The following HECW1 variants were observed in gnomAD, a reference collection of about 807,000 sequenced individuals.
HECW1 encodes the protein HECT, C2 and WW domain containing E3 ubiquitin protein ligase 1.
A neutral mutation model predicts 182.3 loss-of-function variants in HECW1; 61 were observed. The observed-to-expected ratio is 0.33, with a 90% CI of 0.27 to 0.41. The LOEUF is 0.41. Among genes scored for constraint, HECW1 ranks in the 10% least tolerant of loss-of-function variants. HECW1 has a pLI of 1.00. For missense variants in HECW1, 1,739 were observed against 2,108.9 expected (o/e 0.82, Z 3.44); for synonymous variants, 859 against 832.6 (o/e 1.03, Z -0.55).
At chr7:43,361,240 T>C (rs1815868077) in intron 6 of HECW1, among the ~76,000 whole-genome samples, 1 of 152,216 alleles carries the variant, frequency 6.6e-6, no homozygotes, top group Admixed American at 6.5e-5. Context: ...CCAAGCTTCT[T>C]TATTTTCCTT....
In HECW1 at chr7:43,391,906, T is replaced by C. The variant is rs561115208; in HGVS notation, c.556-4908T>C. ...TGCTTTTTAGTTTTGTTTCTTGCTC[T>C]TTTAAGGTGGCTTTGAGGCCTATCT... On this transcript the variant is annotated intron_variant, in intron 6 of 29. Transcript: ENST00000395891. Among the ~76,000 whole-genome samples the C allele has an allele frequency of 3.9e-5, 6 of 152,282 alleles. No individual in the cohort carries two copies. In the South Asian group the frequency reaches 1.2e-3, roughly 32 times the overall value.
At chr7:43,338,238 T>G (rs1160093575) in intron 5 of HECW1, among the ~76,000 whole-genome samples, 1 of 152,206 alleles carries the variant, frequency 6.6e-6, no homozygotes, top group Non-Finnish European at 1.5e-5. Context: ...ATGCTTGGGA[T>G]AGGCTTAGAA....
intron 3 of HECW1, among the ~76,000 whole-genome samples, chr7:43,288,195 T>A (rs1010295550): frequency 6.6e-6 from 1 of 152,152 alleles, no homozygotes; most frequent in African/African-American, 2.4e-5. Context: ...AGGACTGAAC[T>A]TTCTCAATGA....
intron 5 of HECW1, among the ~76,000 whole-genome samples, chr7:43,360,089 C>T (rs1377580145): frequency 6.6e-6 from 1 of 152,108 alleles, no homozygotes; most frequent in Non-Finnish European, 1.5e-5. Context: ...TTATGAAGTC[C>T]TATTTTAACA....
intron 2 of HECW1, among the ~76,000 whole-genome samples, chr7:43,173,295 G>A (rs1791872391): frequency 6.6e-6 from 1 of 152,142 alleles, no homozygotes; most frequent in Non-Finnish European, 1.5e-5. Flanking sequence ...TTGCTATCTG[G>A]TTTCTGGAAA....
At chr7:43,458,608 A>G (rs1011208239) in intron 13 of HECW1, among the ~76,000 whole-genome samples, 19 of 152,222 alleles carry the variant, frequency 1.2e-4, no homozygotes, top group African/African-American at 4.6e-4. Flanking sequence ...TCTTGTGAAA[A>G]AGCATACCTA....
chr7:43,436,583 G>A (rs368966573), intron 8 of HECW1, among the ~76,000 whole-genome samples: 6 of 152,122 alleles, frequency 3.9e-5, no homozygotes, highest in African/African-American at 1.4e-4. Flanking sequence ...GGTGCTCAGT[G>A]GGGGAGCTTC....
chr7:43,171,933 A>G (rs1271292072), intron 2 of HECW1, among the ~76,000 whole-genome samples: 1 of 152,126 alleles, frequency 6.6e-6, no homozygotes, highest in Non-Finnish European at 1.5e-5. Context: ...TCAAGCAGAT[A>G]AAAGATTTTT....
chr7:43,556,425 G>A (rs1227914911), intron 29 of HECW1, among the ~76,000 whole-genome samples: 4 of 152,224 alleles, frequency 2.6e-5, no homozygotes, highest in African/African-American at 7.2e-5. Flanking sequence ...AGTGGCTCAC[G>A]CCTGTAATCC....
intron 8 of HECW1, among the ~76,000 whole-genome samples, chr7:43,417,315 G>A (rs2076044234): frequency 6.6e-6 from 1 of 152,114 alleles, no homozygotes; most frequent in South Asian, 2.1e-4. Flanking sequence ...TTCCCAAAGT[G>A]CTGAGATTAC....
intron 2 of HECW1, among the ~76,000 whole-genome samples, chr7:43,178,809 G>T (rs1033193638): frequency 6.6e-6 from 1 of 152,308 alleles, no homozygotes; most frequent in South Asian, 2.1e-4. Flanking sequence ...CTCAACTCCA[G>T]CCCACTTGGA....
rs761726817 is a variant in HECW1 at position 43,488,432 on chromosome 7, AAGAG to A, written c.3235-3641_3235-3638del. 4.2e-3 allele frequency among the ~76,000 whole-genome samples: 172 copies of A among 41,082 alleles called. 10 individuals are homozygous for A. In the East Asian group the frequency reaches 0.052, roughly 12 times the overall value. 27.0% of individuals were successfully genotyped at this position (41,082 alleles called of 152,430 possible). A position where few individuals can be genotyped will look rare whatever the true frequency, so the allele number is the denominator to read the frequency against. ...AGAAAGAGAGAGAGAGAAAGAAAGA[AAGAG>A]AAAGAAAGAAAGAAAGAAAGAAAGA... is the stretch of plus-strand genomic sequence containing the variant. On this transcript the variant is annotated intron_variant, in intron 17 of 29. Transcript: ENST00000395891.
intron 2 of HECW1, among the ~76,000 whole-genome samples, chr7:43,189,148 A>C (rs931443188): frequency 1.7e-4 from 26 of 152,224 alleles, no homozygotes; most frequent in Non-Finnish European, 3.5e-4. Context: ...GACATAATTT[A>C]GTTAAATAGT....
Position 43,552,230 on chromosome 7 carries a change from C to T in HECW1, c.4404C>T (p.Asp1468=), listed in dbSNP as rs775519252. 1.6e-5 allele frequency: 25 copies of T among 1,611,692 alleles called. No individual in the cohort carries two copies. Among genetic ancestry groups the T allele is most frequent in the Non-Finnish European group, 2.0e-5 (24 of 1,177,794 alleles). ...CCTAACCTGCATTTCAGGTTGTAGA[C>T]TCGAGGCTGGTGTCCGTGTTTGATG... The part of the protein sequence containing the change: ...ALVRGFYEVV[D]SRLVSVFDAR... Residue 1468 remains aspartate (D), a synonymous_variant, in exon 28 of 30, where the codon GAC becomes GAT. Coordinates refer to ENST00000395891, the MANE Select transcript of HECW1 (RefSeq NM_015052.5).
At chr7:43,235,307 G>A (rs1219165090) in intron 2 of HECW1, among the ~76,000 whole-genome samples, 1 of 152,202 alleles carries the variant, frequency 6.6e-6, no homozygotes, top group Non-Finnish European at 1.5e-5. Context: ...CTCCTTGATG[G>A]GGGACCTCTG....
chr7:43,334,485 C>A (rs1017399047), intron 5 of HECW1, among the ~76,000 whole-genome samples: 1 of 152,170 alleles, frequency 6.6e-6, no homozygotes, highest in East Asian at 1.9e-4. Flanking sequence ...CGCCAACACC[C>A]ACAAAATTTA....
chr7:43,433,602 T>C (rs150681275), intron 8 of HECW1, among the ~76,000 whole-genome samples: 183 of 152,360 alleles, frequency 1.2e-3, no homozygotes, highest in Admixed American at 1.9e-3. Flanking sequence ...TTCTTGCTCA[T>C]AGTGGCCCCA....
intron 2 of HECW1, among the ~76,000 whole-genome samples, chr7:43,156,900 A>G (rs936068598): frequency 3.0e-4 from 46 of 152,230 alleles, no homozygotes; most frequent in African/African-American, 1.1e-3. Context: ...GTTTCTTATA[A>G]GCAGGCCTTC....
At chr7:43,484,834 A>T (rs1190960933) in intron 17 of HECW1, among the ~76,000 whole-genome samples, 1 of 152,264 alleles carries the variant, frequency 6.6e-6, no homozygotes, top group Admixed American at 6.5e-5. Flanking sequence ...TCTGCAATAT[A>T]TTCAAGCACC....
Sources: gnomAD v4.1 joint callset for allele counts (sites outside exome capture counted in the v4.1 genomes callset) on GRCh38, gnomAD v4.1.1 for gene constraint, MANE v1.5 for transcripts, NCBI Gene and HGNC (gene_info 2026-07-23, HGNC 2026-07-21) for gene names.